Variants in RICTOR observed in about 807,000 individuals in gnomAD.
RICTOR encodes the protein rapamycin-insensitive companion of mTOR.
Under a neutral mutation model 214.9 loss-of-function variants are expected in RICTOR, and 49 were observed. The observed-to-expected ratio is 0.23, with a 90% CI of 0.18 to 0.29. RICTOR has a LOEUF of 0.29. RICTOR is among the 10% of genes least tolerant of loss of function. RICTOR has a pLI of 1.00. For missense variants in RICTOR, 1,625 were observed against 2,047.0 expected (o/e 0.79, Z 3.98); for synonymous variants, 717 against 711.3 (o/e 1.01, Z -0.13).
chr5:39,068,842 G>A (rs1050277989), intron 2 of RICTOR, among the ~76,000 whole-genome samples: 2 of 152,172 alleles, frequency 1.3e-5, no homozygotes, highest in Non-Finnish European at 2.9e-5. Context: ...TACCTAGAAT[G>A]TGAAAAGTGG....
chr5:39,023,053 A>G (rs1487013874), intron 2 of RICTOR, among the ~76,000 whole-genome samples: 1 of 152,164 alleles, frequency 6.6e-6, no homozygotes, highest in Non-Finnish European at 1.5e-5. Context: ...GCTCAAAACC[A>G]CTGATAGAGA....
chr5:38,953,922 T>C (rs915523122), intron 27 of RICTOR, among the ~76,000 whole-genome samples: 1 of 151,888 alleles, frequency 6.6e-6, no homozygotes, highest in Non-Finnish European at 1.5e-5. Context: ...ATCATACTTA[T>C]TCTTTAAAAC....
At chr5:39,061,245 T>C (rs1351063403) in intron 2 of RICTOR, among the ~76,000 whole-genome samples, 1 of 129,582 alleles carries the variant, frequency 7.7e-6, no homozygotes, top group East Asian at 2.0e-4. Flanking sequence ...TACTTTTTAT[T>C]TGCAAACACT....
rs1415059594 is a variant in RICTOR at position 39,074,060 on chromosome 5, G to A, written c.97+51C>T. On this transcript the variant is annotated intron_variant, in intron 2 of 37. Coordinates refer to ENST00000357387, the MANE Select transcript of RICTOR (RefSeq NM_152756.5). ...GCCTCTGGCCCCCAGCCCCGGACCC[G>A]GCTCCTCCCCAGCAGCGCGCCCTCG... 3 of 1,441,798 alleles carry A rather than the reference G, an allele frequency of 2.1e-6. 1 individual carries two copies. The highest frequency in any genetic ancestry group is 2.9e-5 in the African/African-American group (2 of 67,932). 89.3% of individuals were successfully genotyped at this position (1,441,798 alleles called of 1,614,324 possible).
chr5:39,033,260 C>CTT (rs1554075189), intron 2 of RICTOR, among the ~76,000 whole-genome samples: 2 of 144,574 alleles, frequency 1.4e-5, no homozygotes, highest in Non-Finnish European at 3.1e-5. Context: ...GTGTCCTACT[C>CTT]TTTTTTTTTT....
intron 31 of RICTOR, 141 bp downstream of exon 31, chr5:38,949,568 CAAG>C (rs1748523204): frequency 9.5e-7 from 1 of 1,049,086 alleles, no homozygotes; most frequent in Non-Finnish European, 1.4e-6. Flanking sequence ...TATCGGGTAA[CAAG>C]GAGCTTATAG....
intron 2 of RICTOR, among the ~76,000 whole-genome samples, chr5:39,024,701 G>A (rs1423005271): frequency 6.6e-6 from 1 of 152,166 alleles, no homozygotes; most frequent in Non-Finnish European, 1.5e-5. Context: ...TGACAATATA[G>A]TTACTGCTAT....
intron 11 of RICTOR, chr5:38,970,656 GAAACAAAATTAAAACAAATAA>G (rs1170323323): frequency 6.6e-6 from 1 of 151,706 alleles, no homozygotes; most frequent in African/African-American, 2.4e-5. Context: ...GCAAAAGAAA[GAAACAAAATTAAAACAAATAA>G]AAACATTTAA....
chr5:38,964,007 A>G (rs1750007593), intron 16 of RICTOR, among the ~76,000 whole-genome samples: 1 of 151,856 alleles, frequency 6.6e-6, no homozygotes, highest in Admixed American at 6.6e-5. Context: ...AGCTAAGTAA[A>G]CTTTTCAAAA....
At chr5:38,991,232 ATAAC>A (rs1752752481) in intron 6 of RICTOR, among the ~76,000 whole-genome samples, 157 bp from the exon 7 acceptor site, 1 of 152,188 alleles carries the variant, frequency 6.6e-6, no homozygotes, top group Non-Finnish European at 1.5e-5. Flanking sequence ...AAAGATTAAT[ATAAC>A]TAATAATTGA....
At chr5:39,002,792 C>A in intron 4 of RICTOR, 126 bp from the exon 5 acceptor site, 1 of 858,390 alleles carries the variant, frequency 1.2e-6, no homozygotes, top group Non-Finnish European at 1.8e-6. Context: ...ATTCTAAGAG[C>A]ATTCTACATA....
intron 5 of RICTOR, among the ~76,000 whole-genome samples, chr5:38,997,808 A>T (rs1753288056): frequency 6.6e-6 from 1 of 152,196 alleles, no homozygotes. Context: ...GCAGAGTCCT[A>T]ACAGAAAGCA....
At chr5:39,015,044 AAAAT>A (rs1198157321) in intron 3 of RICTOR, among the ~76,000 whole-genome samples, 1 of 152,184 alleles carries the variant, frequency 6.6e-6, no homozygotes, top group Non-Finnish European at 1.5e-5. Flanking sequence ...TGAGGGTGGA[AAAAT>A]AAATACTACG....
At chr5:38,983,706 G>A (rs556411108) in intron 7 of RICTOR, among the ~76,000 whole-genome samples, 3 of 152,318 alleles carry the variant, frequency 2.0e-5, no homozygotes, top group South Asian at 4.1e-4. Context: ...GCTCAGGCCT[G>A]TAATCCCAGC....
rs753089456 is a variant in RICTOR, at chr5:38,954,725, T to G, written c.2697+49A>C. 7 of 1,151,046 alleles carry G rather than the reference T, an allele frequency of 6.1e-6. No homozygotes were observed. In the African/African-American group the frequency reaches 9.4e-5, roughly 15 times the overall value. The allele number at this position is 1,151,046 out of a possible 1,614,324, so 71.3% of individuals were successfully genotyped here. On this transcript the variant is annotated intron_variant, in intron 27 of 37. Transcript: ENST00000357387. ...TATTTTAGCAATGTTAAGATTTTGT[T>G]TTTTTTTTACTATTGTAGCTACTTA... is the stretch of plus-strand genomic sequence containing the variant.
intron 25 of RICTOR, among the ~76,000 whole-genome samples, chr5:38,956,267 T>C (rs1186573168): frequency 6.6e-6 from 1 of 152,138 alleles, no homozygotes; most frequent in East Asian, 1.9e-4. Flanking sequence ...TCCTCTTCAC[T>C]GCAACCTGTC....
chr5:39,001,164 T>C (rs1753584936), intron 5 of RICTOR, among the ~76,000 whole-genome samples: 2 of 151,974 alleles, frequency 1.3e-5, no homozygotes, highest in Admixed American at 1.3e-4. Flanking sequence ...GAAGCAAAAT[T>C]AGACTCACAT....
At chr5:39,017,813 G>C (rs1410621818) in intron 3 of RICTOR, among the ~76,000 whole-genome samples, 1 of 152,006 alleles carries the variant, frequency 6.6e-6, no homozygotes, top group Admixed American at 6.6e-5. Context: ...AGAATATTTG[G>C]AAGGATTAAA....
intron 31 of RICTOR, among the ~76,000 whole-genome samples, chr5:38,948,496 C>G (rs1283973656): frequency 6.6e-6 from 1 of 152,000 alleles, no homozygotes; most frequent in Non-Finnish European, 1.5e-5. Context: ...CAGTATAGGT[C>G]CCTTTCTATC....
Sources: gnomAD v4.1 joint callset for allele counts (sites outside exome capture counted in the v4.1 genomes callset) on GRCh38, gnomAD v4.1.1 for gene constraint, MANE v1.5 for transcripts, NCBI Gene and HGNC (gene_info 2026-07-23, HGNC 2026-07-21) for gene names.